The following PCLO variants were observed in gnomAD, a reference collection of about 807,000 sequenced individuals.
The protein encoded by PCLO is piccolo presynaptic cytomatrix protein.
A neutral mutation model predicts 427.5 loss-of-function variants in PCLO; 82 were observed. The observed-to-expected ratio is 0.19, with a 90% CI of 0.16 to 0.23. PCLO has a LOEUF of 0.23. Ranked by LOEUF, PCLO falls within the 10% of genes least tolerant of loss-of-function variation. The probability of loss-of-function intolerance (pLI) is 1.00; values close to 1 mark genes in which losing one functional copy is unlikely to be tolerated. For missense variants in PCLO, 6,239 were observed against 6,115.9 expected (o/e 1.02, Z -0.67); for synonymous variants, 2,357 against 2,155.4 (o/e 1.09, Z -2.59).
intron 3 of PCLO, among the ~76,000 whole-genome samples, chr7:83,060,187 A>G (rs1789509576): frequency 1.3e-5 from 2 of 152,112 alleles, no homozygotes; most frequent in African/African-American, 4.8e-5. Context: ...GTGAGCCCTC[A>G]TTGGTGAAAT....
At position 82,953,936 on chromosome 7, in the gene PCLO, C is replaced by A. The variant is rs757981621; in HGVS notation, c.7017G>T (p.Val2339=). The change falls in exon 5 of 25, where the codon GTG becomes GTT. Residue 2339 remains valine, a synonymous_variant. Coordinates refer to ENST00000333891, the MANE Select transcript of PCLO (RefSeq NM_033026.6). ...TTACAGAAGAAGGTGGGTGATCAAA[C>A]ACGGTTTCGGATAAGCTACTTTTTG... is the stretch of plus-strand genomic sequence containing the variant. The part of the protein sequence containing the change: ...ERTKSSLSET[V]FDHPPSSVIA... 6.0e-5 allele frequency: 97 copies of A among 1,613,760 alleles called. No homozygotes were observed. The highest frequency in any genetic ancestry group is 7.8e-5 in the Non-Finnish European group (92 of 1,179,838).
intron 9 of PCLO, among the ~76,000 whole-genome samples, chr7:82,894,812 AACTGGGAG>A (rs1793861828): frequency 6.6e-6 from 1 of 152,062 alleles, no homozygotes; most frequent in Non-Finnish European, 1.5e-5. Context: ...TTGGGGATTA[AACTGGGAG>A]ACTGGGAATT....
intron 3 of PCLO, among the ~76,000 whole-genome samples, chr7:83,037,896 A>G (rs1341503558): frequency 1.4e-5 from 2 of 142,988 alleles, no homozygotes; most frequent in Non-Finnish European, 3.1e-5. Context: ...AACTGCTGCC[A>G]TATAATGTTG....
chr7:83,108,298 T>G (rs1413169998), intron 3 of PCLO, among the ~76,000 whole-genome samples: 1 of 152,122 alleles, frequency 6.6e-6, no homozygotes, highest in Non-Finnish European at 1.5e-5. Flanking sequence ...TTAGTCACTT[T>G]TCACATTACA....
At chr7:83,087,146 T>C (rs1358786730) in intron 3 of PCLO, among the ~76,000 whole-genome samples, 1 of 151,212 alleles carries the variant, frequency 6.6e-6, no homozygotes, top group Non-Finnish European at 1.5e-5. Context: ...AGGTGCAGCA[T>C]ACCAACATGG....
chr7:83,080,224 T>A (rs1790063153), intron 3 of PCLO, among the ~76,000 whole-genome samples: 1 of 152,178 alleles, frequency 6.6e-6, no homozygotes, highest in Admixed American at 6.5e-5. Flanking sequence ...TCTATTCCTT[T>A]GGGTATATAT....
chr7:82,905,168 G>A (rs766534740), intron 8 of PCLO, among the ~76,000 whole-genome samples: 6 of 152,058 alleles, frequency 3.9e-5, no homozygotes, highest in Admixed American at 3.3e-4. Context: ...TGTTATCATT[G>A]TCTTTTGGTG....
In PCLO at chr7:83,134,545, G is replaced by C. The variant is rs764813086; in HGVS notation, c.3005C>G (p.Ala1002Gly). The change falls in exon 3 of 25, where the codon GCC becomes GGC. Residue 1002 changes from alanine (A) to glycine (G), a missense_variant. Ala to Gly is a moderately conservative substitution (Grantham distance 60). This residue lies in a region of PCLO where 4,677 missense variants were observed against 4,468.4 expected (regional missense o/e 1.05). Coordinates refer to ENST00000333891, the MANE Select transcript of PCLO (RefSeq NM_033026.6). ...KSIPVKKETKAPAAEKLEPKA... is the reference protein window; with the variant it reads ...KSIPVKKETKGPAAEKLEPKA... Reference sequence around the variant, plus strand: ...GGGCTCTAATTTTTCAGCTGCTGGGGCTTTTGTTTCCTTTTTCACAGGTAT... The same window carrying C: ...GGGCTCTAATTTTTCAGCTGCTGGGCCTTTTGTTTCCTTTTTCACAGGTAT... 1 of 1,613,854 alleles carries C rather than the reference G, an allele frequency of 6.2e-7. No homozygotes were observed. The highest frequency in any genetic ancestry group is 1.7e-5 in the Admixed American group (1 of 59,990).
At chr7:83,059,381 A>ATAT (rs757350399) in intron 3 of PCLO, among the ~76,000 whole-genome samples, 3,874 of 95,800 alleles carry the variant, frequency 0.04, 83 homozygotes, top group Middle Eastern at 0.085. Context: ...TATATATATA[A>ATAT]AAATGAAAAA....
At chr7:83,111,791 ATAAAAT>A (rs931257996) in intron 3 of PCLO, among the ~76,000 whole-genome samples, 8 of 152,368 alleles carry the variant, frequency 5.3e-5, no homozygotes, top group African/African-American at 1.7e-4. Flanking sequence ...ACATAGCAAT[ATAAAAT>A]TAACATTGTT....
chr7:83,111,950 T>A (rs1423096728), intron 3 of PCLO, among the ~76,000 whole-genome samples: 2 of 152,230 alleles, frequency 1.3e-5, no homozygotes, highest in African/African-American at 2.4e-5. Context: ...TATTTTTGTG[T>A]AAGTTAAATG....
intron 22 of PCLO, among the ~76,000 whole-genome samples, chr7:82,771,722 A>G (rs1790651445): frequency 6.6e-6 from 1 of 152,102 alleles, no homozygotes; most frequent in Admixed American, 6.6e-5. Flanking sequence ...TTATGTGATA[A>G]TAATTTTGGG....
In PCLO at chr7:83,135,504, A is replaced by G; in HGVS notation, c.2046T>C (p.Thr682=). ...TTGGTGCAGCATCCTTCTTTGGGGAAGTCTGCTGTGGCTGTGGGGATGATT... is the reference window on the plus strand; with the variant it reads ...TTGGTGCAGCATCCTTCTTTGGGGAGGTCTGCTGTGGCTGTGGGGATGATT... The part of the protein sequence containing the change: ...VSKSSPQPQQ[T]SPKKDAAPKQ... Residue 682 remains threonine, a synonymous_variant, in exon 3 of 25, where the codon ACT becomes ACC. Transcript: ENST00000333891. 1 of 1,613,730 alleles carries G rather than the reference A, an allele frequency of 6.2e-7. No individual in the cohort carries two copies. Among genetic ancestry groups the G allele is most frequent in the Admixed American group, 1.7e-5 (1 of 59,988 alleles).
chr7:82,928,464 TC>T (rs907322503), intron 6 of PCLO, among the ~76,000 whole-genome samples: 37 of 152,150 alleles, frequency 2.4e-4, no homozygotes, highest in African/African-American at 8.4e-4. Flanking sequence ...TGGCATGACC[TC>T]CACCTCACAG....
chr7:82,868,067 AG>A (rs1562827252), intron 10 of PCLO: 3 of 454,506 alleles, frequency 6.6e-6, no homozygotes, highest in Non-Finnish European at 1.3e-5. Context: ...ACCAGCTTTA[AG>A]GAATTTTGAG....
chr7:82,911,210 A>G lies in PCLO; in HGVS notation c.13301-2197T>C, dbSNP rs1794312511. 3.3e-5 allele frequency among the ~76,000 whole-genome samples: 5 copies of G among 152,134 alleles called. No homozygotes were observed. In the South Asian group the frequency reaches 1.0e-3, roughly 31 times the overall value. On this transcript the variant is annotated intron_variant, in intron 7 of 24. Transcript: ENST00000333891. The stretch of plus-strand genomic sequence containing the variant: ...ATAATAACCCTATGTGTAACTGAAT[A>G]AAGATGACTATCATCCTTTGCACAG...
chr7:83,096,674 TA>T (rs1342994783), intron 3 of PCLO, among the ~76,000 whole-genome samples: 1 of 111,984 alleles, frequency 8.9e-6, no homozygotes, highest in Non-Finnish European at 1.8e-5. Flanking sequence ...ATTTTGTCAA[TA>T]TTTTTTAAAC....
At chr7:83,063,839 A>C (rs1789598614) in intron 3 of PCLO, among the ~76,000 whole-genome samples, 1 of 152,092 alleles carries the variant, frequency 6.6e-6, no homozygotes, top group African/African-American at 2.4e-5. Context: ...CTCAGGCCAC[A>C]GGTTATTGTG....
At chr7:82,978,716 G>A (rs1452229314) in intron 3 of PCLO, among the ~76,000 whole-genome samples, 1 of 151,986 alleles carries the variant, frequency 6.6e-6, no homozygotes, top group East Asian at 1.9e-4. Flanking sequence ...CAGGAATAGA[G>A]CAACTAATTG....
Sources: allele counts gnomAD v4.1 joint callset (sites outside exome capture counted in the v4.1 genomes callset), GRCh38; gene constraint gnomAD v4.1.1; regional missense constraint gnomAD v4.1.1; transcripts MANE v1.5; gene names NCBI Gene and HGNC (gene_info 2026-07-23, HGNC 2026-07-21).